Variants in AKAP13 observed in about 807,000 individuals in gnomAD.
AKAP13 encodes A-kinase anchoring protein 13, also known as A-kinase anchor protein 13.
A neutral mutation model predicts 264.5 loss-of-function variants in AKAP13; 80 were observed. That is an observed-to-expected ratio of 0.30 (90% CI 0.25 to 0.36). The LOEUF (loss-of-function observed/expected upper bound fraction) is 0.36, where lower values mean the gene tolerates loss of function less well. Ranked by LOEUF, AKAP13 falls within the 10% of genes least tolerant of loss-of-function variation. The probability of loss-of-function intolerance (pLI) is 1.00; values close to 1 mark genes in which losing one functional copy is unlikely to be tolerated. For missense variants in AKAP13, 3,712 were observed against 3,435.2 expected, an observed-to-expected ratio of 1.08 and a Z score of -2.01; for synonymous variants, 1,380 against 1,250.2, an observed-to-expected ratio of 1.10 and a Z score of -2.19.
At chr15:85,646,009 G>A (rs995512313) in intron 10 of AKAP13, 55 bp downstream of exon 10, 2 of 1,581,078 alleles carry the variant, frequency 1.3e-6, no homozygotes, top group Non-Finnish European at 1.7e-6. Flanking sequence ...GTTCCTATTT[G>A]GGCTTCCCAA....
chr15:85,499,002 C>T (rs1190002553), intron 2 of AKAP13, among the ~76,000 whole-genome samples: 1 of 152,190 alleles, frequency 6.6e-6, no homozygotes, highest in Non-Finnish European at 1.5e-5. Flanking sequence ...TAAATTGGAA[C>T]TGTATGGGTA....
At chr15:85,564,572 G>A (rs1596543359) in intron 5 of AKAP13, among the ~76,000 whole-genome samples, 3 of 152,136 alleles carry the variant, frequency 2.0e-5, no homozygotes, top group Non-Finnish European at 4.4e-5. Flanking sequence ...GTTCTTTTAA[G>A]TATTTTTCCT....
chr15:85,429,063 G>A (rs573267213), intron 1 of AKAP13, among the ~76,000 whole-genome samples: 2 of 152,220 alleles, frequency 1.3e-5, no homozygotes, highest in East Asian at 3.9e-4. Context: ...GCTGGAATTC[G>A]AATTCAAAAT....
At chr15:85,470,783 A>G (rs2074932519) in intron 1 of AKAP13, among the ~76,000 whole-genome samples, 1 of 152,210 alleles carries the variant, frequency 6.6e-6, no homozygotes, top group African/African-American at 2.4e-5. Flanking sequence ...ATTGACAGTG[A>G]AGAGAGTTCA....
chr15:85,712,125 C>T lies in AKAP13; in HGVS notation c.5599+1480C>T, dbSNP rs186619702. Among the ~76,000 whole-genome samples, 6 of 152,280 alleles carry T rather than the reference C, an allele frequency of 3.9e-5. No homozygotes were observed. The East Asian group carries it at 1.2e-3, about 29-fold the overall frequency. The stretch of plus-strand genomic sequence containing the variant: ...CTGAGATAACAGGCATGAGCCACCG[C>T]ACCCAGCCTGGTCTGTGTTTTAATA... On this transcript the variant is annotated intron_variant, in intron 19 of 36. Transcript: ENST00000394518.
chr15:85,725,166 C>T (rs774581955), intron 26 of AKAP13, among the ~76,000 whole-genome samples: 67 of 152,250 alleles, frequency 4.4e-4, no homozygotes, highest in Admixed American at 2.6e-4. Flanking sequence ...GTCAAGCCAG[C>T]GGCAGAACGA....
intron 1 of AKAP13, among the ~76,000 whole-genome samples, chr15:85,420,082 C>T (rs1166803234): frequency 6.6e-6 from 1 of 150,956 alleles, no homozygotes; most frequent in African/African-American, 2.4e-5. Flanking sequence ...GCTGGGACTA[C>T]AGGCGCCCGC....
At chr15:85,743,961 C>A in intron 36 of AKAP13, 136 bp downstream of exon 36, 1 of 1,017,870 alleles carries the variant, frequency 9.8e-7, no homozygotes, top group Non-Finnish European at 1.4e-6. Flanking sequence ...ATCCTTTTCA[C>A]CAGCTCCGCT....
chr15:85,505,494 T>G (rs538191752), intron 2 of AKAP13, among the ~76,000 whole-genome samples: 12 of 152,176 alleles, frequency 7.9e-5, no homozygotes, highest in Non-Finnish European at 1.6e-4. Flanking sequence ...GTTATAGGGA[T>G]TTCATTGGCC....
rs749323536 is a variant in AKAP13, at chr15:85,581,436, G to T, written c.3368G>T (p.Ser1123Ile). 9 of 1,614,054 alleles carry T rather than the reference G, an allele frequency of 5.6e-6. No homozygotes were observed. Among genetic ancestry groups the T allele is most frequent in the Middle Eastern group, 1.6e-4 (1 of 6,084 alleles). The change falls in exon 7 of 37, where the codon AGC becomes ATC. Residue 1123 changes from serine to isoleucine, a missense_variant. This residue lies in a region of AKAP13 where 2,759 missense variants were observed against 2,411.7 expected (regional missense o/e 1.14). Transcript: ENST00000394518. Reference protein sequence around the residue: ...QDILIPNVLLSQEKNAVLGLP... With the variant: ...QDILIPNVLLIQEKNAVLGLP... The stretch of plus-strand genomic sequence containing the variant: ...ATCCTGATTCCAAACGTCTTGTTGA[G>T]CCAAGAGAAGAATGCCGTTCTAGGT...
intron 8 of AKAP13, among the ~76,000 whole-genome samples, chr15:85,611,983 A>G (rs2080651462): frequency 6.6e-6 from 1 of 152,210 alleles, no homozygotes; most frequent in Non-Finnish European, 1.5e-5. Flanking sequence ...CATGATTGTA[A>G]TTATTTAATA....
At chr15:85,545,690 C>T (rs953995766) in intron 5 of AKAP13, among the ~76,000 whole-genome samples, 7 of 152,020 alleles carry the variant, frequency 4.6e-5, no homozygotes, top group Admixed American at 4.6e-4. Flanking sequence ...TCATAATTAG[C>T]GATTAAAAAA....
intron 12 of AKAP13, among the ~76,000 whole-genome samples, chr15:85,661,092 C>T (rs866195501): frequency 6.6e-6 from 1 of 152,108 alleles, no homozygotes; most frequent in Non-Finnish European, 1.5e-5. Flanking sequence ...TCTCAGAAAA[C>T]AAAAACACAT....
chr15:85,511,392 T>C (rs1438889533), intron 2 of AKAP13, among the ~76,000 whole-genome samples: 1 of 152,216 alleles, frequency 6.6e-6, no homozygotes, highest in East Asian at 1.9e-4. Context: ...CTGGCCAGGC[T>C]AGCCCTTTTT....
intron 8 of AKAP13, among the ~76,000 whole-genome samples, chr15:85,600,979 T>A (rs2151362920): frequency 6.6e-6 from 1 of 152,346 alleles, no homozygotes; most frequent in African/African-American, 2.4e-5. Context: ...AAGCCTTACG[T>A]GCCAGATCTT....
At position 85,741,210 on chromosome 15, in the gene AKAP13, G is replaced by C. The variant is rs780368742; in HGVS notation, c.7773G>C (p.Gln2591His). 2.1e-5 allele frequency: 34 copies of C among 1,610,392 alleles called. No individual in the cohort carries two copies. In the South Asian group the frequency reaches 3.5e-4, roughly 17 times the overall value. Reference protein sequence around the residue: ...RQDLANLQKQQAQYLEEKRRR... With the variant: ...RQDLANLQKQHAQYLEEKRRR... ...ACCTGGCCAACCTGCAGAAGCAGCA[G>C]GCCCAGTACCTCGAGGAGAAGCGCA... The change falls in exon 35 of 37, where the codon CAG becomes CAC. Residue 2591 changes from glutamine to histidine, a missense_variant. By Grantham distance (24) the Gln-to-His change is conservative. Around this residue, in one of 3 missense-constraint regions of AKAP13, gnomAD observed 611 missense variants for 539.3 expected, o/e 1.13. Coordinates refer to ENST00000394518, the MANE Select transcript of AKAP13 (RefSeq NM_007200.5).
At chr15:85,570,739 A>C (rs2078789521) in intron 5 of AKAP13, among the ~76,000 whole-genome samples, 1 of 152,164 alleles carries the variant, frequency 6.6e-6, no homozygotes, top group Non-Finnish European at 1.5e-5. Context: ...CCTGGGGGCC[A>C]TATTCCTTGG....
At chr15:85,489,007 A>G (rs142002957) in intron 2 of AKAP13, among the ~76,000 whole-genome samples, 1 of 152,370 alleles carries the variant, frequency 6.6e-6, no homozygotes, top group East Asian at 1.9e-4. Flanking sequence ...TAGGTCAGTT[A>G]GAAACTCTCT....
chr15:85,715,670 T>TA (rs2086891903), intron 19 of AKAP13, 118 bp from the exon 20 acceptor site: 1 of 1,218,762 alleles, frequency 8.2e-7, no homozygotes, highest in Non-Finnish European at 1.1e-6. Flanking sequence ...TATATAAACT[T>TA]ACAGTTCCAG....
Sources: gnomAD v4.1 joint callset for allele counts (sites outside exome capture counted in the v4.1 genomes callset) on GRCh38, gnomAD v4.1.1 for gene constraint, gnomAD v4.1.1 regional missense constraint, MANE v1.5 for transcripts, NCBI Gene and HGNC (gene_info 2026-07-23, HGNC 2026-07-21) for gene names.